FRK: variants seen among roughly 807,000 people sequenced by gnomAD.
FRK encodes tyrosine-protein kinase FRK.
A neutral mutation model predicts 56.4 loss-of-function variants in FRK; 51 were observed. The ratio of observed to expected loss-of-function variants is 0.90; its 90% CI spans 0.72 to 1.14. FRK has a LOEUF of 1.14. Among genes scored for constraint, FRK ranks in the 50% most tolerant of loss-of-function variants. The pLI is 0.00. For synonymous variants in FRK, 245 were observed against 217.9 expected (o/e 1.12, Z -1.10); for missense variants, 570 against 601.4 (o/e 0.95, Z 0.55).
At chr6:115,958,634 GGAAAGAAAGAAAAGAAAGAAA>G (rs1773114953) in intron 4 of FRK, among the ~76,000 whole-genome samples, 3 of 55,756 alleles carry the variant, frequency 5.4e-5, no homozygotes, top group East Asian at 5.0e-4. Context: ...TCTCAAAAAA[GGAAAGAAAGAAAAGAAAGAAA>G]GAAAGAAAGA....
At chr6:115,981,674 A>G (rs1284291669) in intron 2 of FRK, among the ~76,000 whole-genome samples, 1 of 152,112 alleles carries the variant, frequency 6.6e-6, no homozygotes, top group Non-Finnish European at 1.5e-5. Context: ...GAACAGGGTA[A>G]ACATGAAAGT....
At chr6:115,976,509 A>C (rs1773996594) in intron 2 of FRK, among the ~76,000 whole-genome samples, 1 of 152,186 alleles carries the variant, frequency 6.6e-6, no homozygotes, top group African/African-American at 2.4e-5. Context: ...GGTGTTTTAC[A>C]GAAAAACAAA....
chr6:116,064,861 C>T (rs1267632997), upstream of FRK, among the ~76,000 whole-genome samples: 1 of 152,146 alleles, frequency 6.6e-6, no homozygotes, highest in South Asian at 2.1e-4. Flanking sequence ...CCTTTCAACA[C>T]CCCCTCCATT....
intron 1 of FRK, among the ~76,000 whole-genome samples, chr6:116,020,756 CCTT>C (rs1322965147): frequency 6.6e-6 from 1 of 152,144 alleles, no homozygotes; most frequent in Non-Finnish European, 1.5e-5. Flanking sequence ...TTTTCCAACT[CCTT>C]GAGTTTCCAT....
At chr6:116,030,357 T>C (rs888580391) in intron 1 of FRK, among the ~76,000 whole-genome samples, 5 of 152,128 alleles carry the variant, frequency 3.3e-5, no homozygotes, top group Non-Finnish European at 5.9e-5. Flanking sequence ...GCCAAAATCA[T>C]TTCCCAAATA....
intron 2 of FRK, among the ~76,000 whole-genome samples, chr6:116,002,532 G>C (rs567867812): frequency 6.6e-6 from 1 of 152,152 alleles, no homozygotes; most frequent in Non-Finnish European, 1.5e-5. Flanking sequence ...CAGGAGAATC[G>C]CTTAAACCCG....
At chr6:116,100,094 CG>C in the FRK span, among the ~76,000 whole-genome samples, 68 of 152,122 alleles carry the variant, frequency 4.5e-4, no homozygotes, top group Non-Finnish European at 7.5e-4. Flanking sequence ...ACCTTAAACC[CG>C]GTTTGCAAAA....
chr6:116,013,026 C>T (rs1047891918), intron 1 of FRK, among the ~76,000 whole-genome samples: 1 of 152,162 alleles, frequency 6.6e-6, no homozygotes, highest in East Asian at 1.9e-4. Context: ...GTAGGACTTG[C>T]AGTCACATAG....
At chr6:115,958,700 G>GA (rs1223091437) in intron 4 of FRK, among the ~76,000 whole-genome samples, 2 of 5,164 alleles carry the variant, frequency 3.9e-4, no homozygotes, top group Non-Finnish European at 7.3e-4. Context: ...AAGAAAGAAA[G>GA]AAAGAAGAAA....
intron 1 of FRK, among the ~76,000 whole-genome samples, chr6:116,029,828 T>A (rs1776233946): frequency 6.6e-6 from 1 of 152,132 alleles, no homozygotes; most frequent in African/African-American, 2.4e-5. Context: ...CTTTCATTCA[T>A]CATCATCTAT....
chr6:116,072,267 T>G, the FRK span, among the ~76,000 whole-genome samples: 3 of 152,088 alleles, frequency 2.0e-5, no homozygotes, highest in Non-Finnish European at 4.4e-5. Flanking sequence ...ATTGAAAAAA[T>G]TGATTCTTAA....
At chr6:116,039,117 G>T in intron 1 of FRK, 1 of 841,256 alleles carries the variant, frequency 1.2e-6, no homozygotes, top group African/African-American at 1.7e-5. Context: ...AAGGGACTCA[G>T]AGTAATCGCT....
intron 2 of FRK, among the ~76,000 whole-genome samples, chr6:115,999,670 C>T (rs1774974628): frequency 6.6e-6 from 1 of 152,170 alleles, no homozygotes; most frequent in South Asian, 2.1e-4. Context: ...AAATTGAAGA[C>T]CATCAATTCA....
At chr6:115,946,302 C>T (rs542968217) in intron 5 of FRK, among the ~76,000 whole-genome samples, 2 of 152,212 alleles carry the variant, frequency 1.3e-5, no homozygotes, top group East Asian at 3.9e-4. Context: ...TCTTTGTGAC[C>T]TTGGGCAAGC....
At chr6:116,078,160 CATAA>C in the FRK span, among the ~76,000 whole-genome samples, 4 of 152,132 alleles carry the variant, frequency 2.6e-5, no homozygotes, top group African/African-American at 9.7e-5. Flanking sequence ...AACTCCATTT[CATAA>C]ATAAATAAAT....
the FRK span, among the ~76,000 whole-genome samples, chr6:116,073,724 T>C: frequency 6.6e-6 from 1 of 152,194 alleles, no homozygotes; most frequent in South Asian, 2.1e-4. Context: ...CATGCAATAA[T>C]ACTTACACTC....
chr6:116,015,963 G>A (rs1775632184), intron 1 of FRK, among the ~76,000 whole-genome samples: 1 of 152,170 alleles, frequency 6.6e-6, no homozygotes, highest in Non-Finnish European at 1.5e-5. Context: ...TAAAAGTTTG[G>A]AAAATTTGCA....
At chr6:116,099,289 A>G in the FRK span, among the ~76,000 whole-genome samples, 1 of 152,244 alleles carries the variant, frequency 6.6e-6, no homozygotes, top group African/African-American at 2.4e-5. Context: ...ATGTACTAGT[A>G]CATTTGTATT....
chr6:116,080,892 A>T, the FRK span, among the ~76,000 whole-genome samples: 1 of 152,208 alleles, frequency 6.6e-6, no homozygotes, highest in African/African-American at 2.4e-5. Context: ...ATGTTGTATT[A>T]GTCTGTTCTC....
Sources: allele counts gnomAD v4.1 joint callset (sites outside exome capture counted in the v4.1 genomes callset), GRCh38; gene constraint gnomAD v4.1.1; transcripts MANE v1.5; gene names NCBI Gene and HGNC (gene_info 2026-07-23, HGNC 2026-07-21).